The following ARPC1B variants were observed in gnomAD, a reference collection of about 807,000 sequenced individuals.
ARPC1B encodes actin related protein 2/3 complex subunit 1B, also known as actin-related protein 2/3 complex subunit 1B.
In ARPC1B, 29 loss-of-function variants were observed where a neutral mutation model predicts 46.0. That is an observed-to-expected ratio of 0.63 (90% CI 0.47 to 0.86). The LOEUF is 0.86. Among genes scored for constraint, ARPC1B ranks in the 40% least tolerant of loss-of-function variants. The pLI is 0.00. For missense variants in ARPC1B, 469 were observed against 529.4 expected, an observed-to-expected ratio of 0.89 and a Z score of 1.12; for synonymous variants, 201 against 213.9, an observed-to-expected ratio of 0.94 and a Z score of 0.53.
chr7:99,375,338 C>T (rs974314316), intron 1 of ARPC1B, among the ~76,000 whole-genome samples: 1 of 152,172 alleles, frequency 6.6e-6, no homozygotes, highest in African/African-American at 2.4e-5. Context: ...CCCTGCCCTC[C>T]TGGCCGCTCC....
intron 1 of ARPC1B, among the ~76,000 whole-genome samples, chr7:99,382,305 G>C (rs761158001): frequency 2.0e-5 from 3 of 150,772 alleles, no homozygotes; most frequent in African/African-American, 7.3e-5. Context: ...ATGGTGGTGC[G>C]CACCTGTAAT....
At chr7:99,375,453 C>G (rs1794008662) in intron 1 of ARPC1B, among the ~76,000 whole-genome samples, 1 of 152,210 alleles carries the variant, frequency 6.6e-6, no homozygotes, top group South Asian at 2.1e-4. Flanking sequence ...CAGGGCTCCG[C>G]GGCCAGGGCA....
At chr7:99,388,360 C>T (rs1053363101) in intron 4 of ARPC1B, 99 bp downstream of exon 4, 6 of 1,211,186 alleles carry the variant, frequency 5.0e-6, no homozygotes, top group Non-Finnish European at 7.1e-6. Flanking sequence ...ACCCCTGTTC[C>T]CATCACCCTG....
At chr7:99,391,735 C>A in intron 7 of ARPC1B, among the ~76,000 whole-genome samples, 1 of 137,450 alleles carries the variant, frequency 7.3e-6, no homozygotes, top group African/African-American at 3.0e-5. Flanking sequence ...TCAGCCTCGG[C>A]GACACAAAAC....
intron 1 of ARPC1B, among the ~76,000 whole-genome samples, chr7:99,376,175 C>T (rs1389276938): frequency 6.6e-6 from 1 of 152,082 alleles, no homozygotes; most frequent in African/African-American, 2.4e-5. Context: ...TACCACTGCA[C>T]TGCAGCCTTG....
chr7:99,383,894 G>T (rs561878341), intron 1 of ARPC1B, among the ~76,000 whole-genome samples: 6 of 152,290 alleles, frequency 3.9e-5, no homozygotes, highest in African/African-American at 1.4e-4. Flanking sequence ...GGCCAGGTGC[G>T]GTGTGTCATC....
Position 99,391,242 on chromosome 7 carries a change from C to G in ARPC1B, c.772C>G (p.Leu258Val). The change falls in exon 7 of 10, where the codon CTG (leucine) becomes GTG (valine). Residue 258 changes from leucine to valine, a missense_variant. Coordinates refer to ENST00000646101, the MANE Select transcript of ARPC1B (RefSeq NM_005720.4). ...LALTFITDNS[L>V]VAAGHDCFPV... Reference sequence around the variant, plus strand: ...GCTGACCTTCATCACAGACAACAGCCTGGTGGCAGCGGTGAGGAATAGGGA... The same window carrying G: ...GCTGACCTTCATCACAGACAACAGCGTGGTGGCAGCGGTGAGGAATAGGGA... 1 of 1,613,988 alleles carries G rather than the reference C, an allele frequency of 6.2e-7. No individual in the cohort carries two copies. Among genetic ancestry groups the G allele is most frequent in the Non-Finnish European group, 8.5e-7 (1 of 1,179,974 alleles).
At chr7:99,394,284 T>A in intron 9 of ARPC1B, 165 bp downstream of exon 9, 1 of 1,029,660 alleles carries the variant, frequency 9.7e-7, no homozygotes, top group East Asian at 2.5e-5. Context: ...TGGTGCTCAC[T>A]GGGGCACCCG....
intron 1 of ARPC1B, among the ~76,000 whole-genome samples, chr7:99,384,910 C>T (rs1794335285): frequency 6.9e-6 from 1 of 145,462 alleles, no homozygotes; most frequent in African/African-American, 2.6e-5. Flanking sequence ...CACCCAGCCT[C>T]CTGAGTAGTG....
In ARPC1B at chr7:99,385,692, T is replaced by C. The variant is rs536146810; in HGVS notation, c.-13-10T>C. 2.2e-5 allele frequency: 35 copies of C among 1,603,290 alleles called. No homozygotes were observed. The South Asian group carries it at 3.6e-4, about 16-fold the overall frequency. On this transcript the variant is annotated splice_polypyrimidine_tract_variant and intron_variant, in intron 1 of 9. Coordinates refer to ENST00000646101, the MANE Select transcript of ARPC1B (RefSeq NM_005720.4). ...CTGACGTGGATTCTCTCTTCCTCTC[T>C]CGGGCACAGGAGCCAAGCCGCCATG...
chr7:99,386,961 T>G (rs1462229367), intron 3 of ARPC1B, among the ~76,000 whole-genome samples, 172 bp downstream of exon 3: 3 of 152,154 alleles, frequency 2.0e-5, no homozygotes, highest in Admixed American at 1.3e-4. Flanking sequence ...TACCAAAAAC[T>G]CACAGGGTTG....
Position 99,394,489 on chromosome 7 carries a change from A to G in ARPC1B, c.1119A>G (p.Ter373TrpextTer10), listed in dbSNP as rs1794701187. ...ESALKDLKIK* is the reference protein window; with the variant it reads ...ESALKDLKIKW ...CCTTGAAGGACCTCAAGATCAAATGACCTGTGAGGAATATGTTGCCTTCAT... is the reference window on the plus strand; with the variant it reads ...CCTTGAAGGACCTCAAGATCAAATGGCCTGTGAGGAATATGTTGCCTTCAT... Residue 373 changes from the stop codon to tryptophan (W), a stop_lost, in exon 10 of 10, where the codon TGA becomes TGG. Coordinates refer to ENST00000646101, the MANE Select transcript of ARPC1B (RefSeq NM_005720.4). The G allele has an allele frequency of 6.2e-7, 1 of 1,613,866 alleles. No homozygotes were observed. The highest frequency in any genetic ancestry group is 1.3e-5 in the African/African-American group (1 of 74,890).
intron 3 of ARPC1B, 57 bp from the exon 4 acceptor site, chr7:99,387,982 A>C (rs534769580): frequency 9.9e-6 from 12 of 1,213,042 alleles, no homozygotes; most frequent in Middle Eastern, 2.0e-4. Context: ...TGGCCACCAT[A>C]CAGCCACCTC....
intron 1 of ARPC1B, among the ~76,000 whole-genome samples, chr7:99,378,981 TTTAGCCAGGA>T (rs1489495190): frequency 6.6e-6 from 1 of 151,624 alleles, no homozygotes; most frequent in East Asian, 2.0e-4. Context: ...GTTTCACCGT[TTTAGCCAGGA>T]TGGTCTCGAT....
At chr7:99,385,834 C>T (rs1053356515) in intron 2 of ARPC1B, 56 bp downstream of exon 2, 19 of 1,538,074 alleles carry the variant, frequency 1.2e-5, no homozygotes, top group Non-Finnish European at 1.7e-5. Context: ...GGATGGGGAC[C>T]AGCCAGAGCA....
rs779597975 is a variant in ARPC1B, at chr7:99,391,253, G to A, written c.783G>A (p.Ala261=). The part of the protein sequence containing the change: ...TFITDNSLVA[A]GHDCFPVLFT... Reference sequence around the variant, plus strand: ...TCACAGACAACAGCCTGGTGGCAGCGGTGAGGAATAGGGAGGGGAGGGAGG... The same window carrying A: ...TCACAGACAACAGCCTGGTGGCAGCAGTGAGGAATAGGGAGGGGAGGGAGG... Residue 261 remains alanine, a splice_region_variant and synonymous_variant, in exon 7 of 10, where the codon GCG becomes GCA. Coordinates refer to ENST00000646101, the MANE Select transcript of ARPC1B (RefSeq NM_005720.4). The A allele has an allele frequency of 4.3e-6, 7 of 1,613,716 alleles. No individual in the cohort carries two copies. Among genetic ancestry groups the A allele is most frequent in the Admixed American group, 1.7e-5 (1 of 59,964 alleles).
intron 4 of ARPC1B, 28 bp downstream of exon 4, chr7:99,388,289 G>C (rs763685624): frequency 6.2e-7 from 1 of 1,608,582 alleles, no homozygotes; most frequent in Admixed American, 1.7e-5. Context: ...GCCAGAGTGG[G>C]CTGTTAGGGA....
At position 99,394,698 on chromosome 7, in the gene ARPC1B, GAAAA is replaced by G; in HGVS notation, c.*220_*223del. 2 of 1,163,600 alleles carry G rather than the reference GAAAA, an allele frequency of 1.7e-6. No individual in the cohort carries two copies. The highest frequency in any genetic ancestry group is 1.1e-6 in the Non-Finnish European group (1 of 936,100). 72.1% of individuals were successfully genotyped at this position (1,163,600 alleles called of 1,614,324 possible). On this transcript the variant is annotated 3_prime_UTR_variant, in exon 10 of 10. Transcript: ENST00000646101. The stretch of plus-strand genomic sequence containing the variant: ...TTTTTCTTAAATGCTTTCATTTATT[GAAAA>G]AAAAAAAAAATGCCCCCAAAGCACT...
chr7:99,376,535 C>G (rs570483090), intron 1 of ARPC1B: 1 of 152,198 alleles, frequency 6.6e-6, no homozygotes, highest in African/African-American at 2.4e-5. Context: ...CAAATCGTTG[C>G]TTTTGTCTGA....
Sources: allele counts gnomAD v4.1 joint callset (sites outside exome capture counted in the v4.1 genomes callset), GRCh38; gene constraint gnomAD v4.1.1; transcripts MANE v1.5; gene names NCBI Gene and HGNC (gene_info 2026-07-23, HGNC 2026-07-21).